Variants in NTNG1 observed in about 807,000 individuals in gnomAD.
NTNG1 encodes netrin G1.
A neutral mutation model predicts 54.0 loss-of-function variants in NTNG1; 16 were observed. The ratio of observed to expected loss-of-function variants is 0.30; its 90% confidence interval spans 0.20 to 0.45. NTNG1 has a LOEUF of 0.45. NTNG1 is among the 20% of genes least tolerant of loss of function. The pLI is 1.00. For missense variants in NTNG1, 530 were observed against 678.7 expected (o/e 0.78, Z 2.43); for synonymous variants, 255 against 263.1 (o/e 0.97, Z 0.30).
rs147627457 is a variant in NTNG1 at position 107,422,873 on chromosome 1, T to C, written c.1088-7877T>C. 3.7e-3 allele frequency among the ~76,000 whole-genome samples: 561 copies of C among 152,210 alleles called. 4 individuals are homozygous for C. Among genetic ancestry groups the C allele is most frequent in the African/African-American group, 0.013 (536 of 41,542 alleles). The stretch of plus-strand genomic sequence containing the variant: ...TTTTATGTTATATTTACAGAGACAA[T>C]TTACTAATGTAATTATAGGCAACAT... On this transcript the variant is annotated intron_variant, in intron 5 of 7. Transcript: ENST00000370068.
chr1:107,295,251 CTTTAGATGTGAT>C (rs1665872429), intron 2 of NTNG1, among the ~76,000 whole-genome samples: 1 of 152,120 alleles, frequency 6.6e-6, no homozygotes, highest in Non-Finnish European at 1.5e-5. Flanking sequence ...TTGTGGTTCC[CTTTAGATGTGAT>C]TGTTTTAAGC....
intron 3 of NTNG1, among the ~76,000 whole-genome samples, chr1:107,329,378 A>G (rs1284768173): frequency 6.6e-6 from 1 of 152,156 alleles, no homozygotes; most frequent in Non-Finnish European, 1.5e-5. Flanking sequence ...TTTGAATGTC[A>G]CTGCCTTTAT....
intron 2 of NTNG1, among the ~76,000 whole-genome samples, chr1:107,278,930 T>A (rs1479684622): frequency 6.6e-6 from 1 of 152,142 alleles, no homozygotes; most frequent in Non-Finnish European, 1.5e-5. Flanking sequence ...TTATTCTTAT[T>A]TTTATGTTGT....
At chr1:107,398,606 A>G (rs1334809364) in intron 4 of NTNG1, among the ~76,000 whole-genome samples, 4 of 152,190 alleles carry the variant, frequency 2.6e-5, no homozygotes, top group Non-Finnish European at 5.9e-5. Context: ...AATAAACTTG[A>G]CAGAGGCAGA....
chr1:107,213,981 CAT>C (rs1659772661), intron 2 of NTNG1, among the ~76,000 whole-genome samples: 1 of 152,072 alleles, frequency 6.6e-6, no homozygotes, highest in African/African-American at 2.4e-5. Flanking sequence ...CTTCATCAGA[CAT>C]ATGTATGAAA....
chr1:107,480,574 G>GGCA, intron 7 of NTNG1, 37 bp from the exon 8 acceptor site: 1 of 324,108 alleles, frequency 3.1e-6, no homozygotes, highest in Non-Finnish European at 5.8e-6. Flanking sequence ...TCTCCTCCCC[G>GGCA]CGCCCACCCA....
At chr1:107,210,128 G>T (rs1659506648) in intron 2 of NTNG1, among the ~76,000 whole-genome samples, 1 of 152,058 alleles carries the variant, frequency 6.6e-6, no homozygotes, top group South Asian at 2.1e-4. Flanking sequence ...AGGGGGAGAG[G>T]ACACTGCTCA....
intron 2 of NTNG1, among the ~76,000 whole-genome samples, chr1:107,261,960 C>T (rs975729575): frequency 6.6e-6 from 1 of 152,112 alleles, no homozygotes; most frequent in Non-Finnish European, 1.5e-5. Context: ...TCTGTCCGGG[C>T]AATGTTAACT....
At chr1:107,473,320 A>G (rs1678103590) in intron 7 of NTNG1, among the ~76,000 whole-genome samples, 1 of 152,212 alleles carries the variant, frequency 6.6e-6, no homozygotes, top group South Asian at 2.1e-4. Flanking sequence ...AGAGAAAAGA[A>G]AACTTCCCTT....
At chr1:107,170,149 G>A (rs1656110154) in intron 2 of NTNG1, among the ~76,000 whole-genome samples, 1 of 152,084 alleles carries the variant, frequency 6.6e-6, no homozygotes, top group Non-Finnish European at 1.5e-5. Context: ...CTGTAGCCTA[G>A]ACGAGTTGAT....
Position 107,395,278 on chromosome 1 carries a change from T to TG in NTNG1, c.1014dup (p.Ser339GlufsTer25). ...CAAGAAGAATTATCAGGGCCGACCT[T>TG]GGAGTCCAGGCTCCTATCTCCCCAT... On this transcript the variant is annotated frameshift_variant, in exon 4 of 8. Coordinates refer to ENST00000370068, the MANE Select transcript of NTNG1 (RefSeq NM_001113226.3). LOFTEE classifies it high-confidence loss of function. 1 of 1,613,630 alleles carries TG rather than the reference T, an allele frequency of 6.2e-7. No homozygotes were observed. Among genetic ancestry groups the TG allele is most frequent in the Non-Finnish European group, 8.5e-7 (1 of 1,179,676 alleles).
chr1:107,261,771 A>G (rs1557851990), intron 2 of NTNG1, among the ~76,000 whole-genome samples: 1 of 152,182 alleles, frequency 6.6e-6, no homozygotes. Flanking sequence ...TGAACCCGGG[A>G]GGCGGAGCTT....
intron 2 of NTNG1, among the ~76,000 whole-genome samples, chr1:107,255,974 T>G (rs1200744496): frequency 6.6e-6 from 1 of 152,230 alleles, no homozygotes; most frequent in African/African-American, 2.4e-5. Flanking sequence ...GGAACCTCAC[T>G]GGGCTGTTCA....
intron 2 of NTNG1, among the ~76,000 whole-genome samples, chr1:107,229,629 G>A (rs1353958003): frequency 1.3e-5 from 2 of 151,814 alleles, no homozygotes; most frequent in Non-Finnish European, 2.9e-5. Flanking sequence ...GCTGCTCTGT[G>A]GGGAGTTGGG....
chr1:107,458,750 T>A (rs1571005433), intron 7 of NTNG1, among the ~76,000 whole-genome samples: 1 of 152,318 alleles, frequency 6.6e-6, no homozygotes, highest in Non-Finnish European at 1.5e-5. Context: ...TAATTACTGC[T>A]TTCCATATGA....
At chr1:107,206,474 C>T (rs982762032) in intron 2 of NTNG1, among the ~76,000 whole-genome samples, 1 of 152,094 alleles carries the variant, frequency 6.6e-6, no homozygotes. Context: ...ATCTTTCTAG[C>T]TAGACTGGGA....
At chr1:107,425,966 A>G (rs139869167) in intron 5 of NTNG1, among the ~76,000 whole-genome samples, 318 of 152,086 alleles carry the variant, frequency 2.1e-3, no homozygotes, top group African/African-American at 7.3e-3. Flanking sequence ...TTTGTTGGCT[A>G]CTTGTATGTC....
At chr1:107,246,681 T>A (rs903074259) in intron 2 of NTNG1, among the ~76,000 whole-genome samples, 2 of 152,130 alleles carry the variant, frequency 1.3e-5, no homozygotes, top group Non-Finnish European at 2.9e-5. Flanking sequence ...AATGCTGAAA[T>A]CTTAAATTTT....
At chr1:107,477,515 T>C (rs972852858) in intron 7 of NTNG1, among the ~76,000 whole-genome samples, 4 of 152,178 alleles carry the variant, frequency 2.6e-5, no homozygotes, top group Admixed American at 2.0e-4. Context: ...AAAAGACAAT[T>C]GCTTAATAAC....
Sources: allele counts gnomAD v4.1 joint callset (sites outside exome capture counted in the v4.1 genomes callset), GRCh38; gene constraint gnomAD v4.1.1; transcripts MANE v1.5; gene names NCBI Gene and HGNC (gene_info 2026-07-23, HGNC 2026-07-21).